The following EXTL3 variants were observed in gnomAD, a reference collection of about 807,000 sequenced individuals.
The protein encoded by EXTL3 is exostosin like glycosyltransferase 3, also known as exostosin-like 3.
Under a neutral mutation model 69.3 loss-of-function variants are expected in EXTL3, and 27 were observed. The ratio of observed to expected loss-of-function variants is 0.39; its 90% confidence interval spans 0.29 to 0.54. The LOEUF (loss-of-function observed/expected upper bound fraction) is 0.54, where lower values mean the gene tolerates loss of function less well. EXTL3 is among the 20% of genes least tolerant of loss of function. The pLI is 0.69. For missense variants in EXTL3, 1,003 were observed against 1,231.8 expected, an observed-to-expected ratio of 0.81 and a Z score of 2.78; for synonymous variants, 511 against 499.4, an observed-to-expected ratio of 1.02 and a Z score of -0.31.
At chr8:28,654,778 T>A (rs1806979665) in intron 1 of EXTL3, among the ~76,000 whole-genome samples, 1 of 152,140 alleles carries the variant, frequency 6.6e-6, no homozygotes, top group African/African-American at 2.4e-5. Flanking sequence ...ATACCCCAAT[T>A]TTGTTGTAAT....
intron 1 of EXTL3, among the ~76,000 whole-genome samples, chr8:28,685,098 C>T (rs566519651): frequency 2.4e-4 from 37 of 151,934 alleles, no homozygotes; most frequent in African/African-American, 8.0e-4. Context: ...ATTACAGGCA[C>T]GTGCCACCAC....
At chr8:28,725,696 CT>C (rs1466718625) in intron 3 of EXTL3, among the ~76,000 whole-genome samples, 1 of 152,116 alleles carries the variant, frequency 6.6e-6, no homozygotes, top group Non-Finnish European at 1.5e-5. Context: ...GAAAGTGAGT[CT>C]TCCTGTTTGC....
In EXTL3 at chr8:28,688,674, G is replaced by A. The variant is rs572528405; in HGVS notation, c.-52-24783G>A. 3.5e-4 allele frequency among the ~76,000 whole-genome samples: 53 copies of A among 152,276 alleles called. No individual in the cohort carries two copies. The South Asian group carries it at 0.011, about 32-fold the overall frequency. On this transcript the variant is annotated intron_variant, in intron 1 of 6. Transcript: ENST00000523149. Reference sequence around the variant, plus strand: ...GTAAGATGATGGTAGCTTGAGCTGAGTTATTCTCTTATTTTCCCCAGGCCT... The same window carrying A: ...GTAAGATGATGGTAGCTTGAGCTGAATTATTCTCTTATTTTCCCCAGGCCT...
chr8:28,690,994 G>A (rs1443189911), intron 1 of EXTL3, among the ~76,000 whole-genome samples: 2 of 152,114 alleles, frequency 1.3e-5, no homozygotes, highest in Non-Finnish European at 2.9e-5. Flanking sequence ...GGTGAAGTTG[G>A]GGGGAAGTGT....
intron 1 of EXTL3, among the ~76,000 whole-genome samples, chr8:28,630,123 C>G (rs750898446): frequency 6.6e-6 from 1 of 152,092 alleles, no homozygotes; most frequent in African/African-American, 2.4e-5. Context: ...CTCCATGTGT[C>G]GTGGGAGGGA....
intron 1 of EXTL3, among the ~76,000 whole-genome samples, chr8:28,632,204 C>T (rs962491891): frequency 2.0e-5 from 3 of 151,868 alleles, no homozygotes; most frequent in African/African-American, 4.8e-5. Context: ...GTCAGGAGTT[C>T]AAGACCAGCC....
chr8:28,682,877 A>T (rs1030496907), intron 1 of EXTL3, among the ~76,000 whole-genome samples: 1 of 152,172 alleles, frequency 6.6e-6, no homozygotes, highest in East Asian at 1.9e-4. Context: ...TTCTTCTAGT[A>T]GTTTTACAGC....
intron 5 of EXTL3, chr8:28,742,777 T>C (rs2130792626): frequency 5.6e-6 from 2 of 354,934 alleles, no homozygotes; most frequent in Non-Finnish European, 1.1e-5. Context: ...TAGTGTTCAA[T>C]TGAACCAGCA....
downstream of EXTL3, among the ~76,000 whole-genome samples, chr8:28,756,438 T>C (rs59158717): frequency 1.3e-5 from 2 of 152,304 alleles, no homozygotes; most frequent in African/African-American, 2.4e-5. Context: ...GATTGGTGAT[T>C]AGTTACTTTT....
At chr8:28,645,257 A>G (rs906534776) in intron 1 of EXTL3, among the ~76,000 whole-genome samples, 2 of 152,194 alleles carry the variant, frequency 1.3e-5, no homozygotes, top group Non-Finnish European at 1.5e-5. Context: ...TCCAAATGCA[A>G]CCCTTTGACC....
At chr8:28,695,621 T>C (rs1800673859) in intron 1 of EXTL3, among the ~76,000 whole-genome samples, 2 of 152,222 alleles carry the variant, frequency 1.3e-5, no homozygotes, top group South Asian at 4.1e-4. Context: ...AAATTCTTTC[T>C]TGCAAATATG....
intron 6 of EXTL3, among the ~76,000 whole-genome samples, chr8:28,743,751 T>G (rs1801827251): frequency 1.3e-5 from 2 of 152,220 alleles, no homozygotes; most frequent in South Asian, 4.1e-4. Flanking sequence ...TCATCCTGTG[T>G]ATTGTAGTTT....
chr8:28,628,968 C>G (rs1806534042), intron 1 of EXTL3, among the ~76,000 whole-genome samples: 2 of 152,184 alleles, frequency 1.3e-5, no homozygotes, highest in African/African-American at 4.8e-5. Flanking sequence ...GGAAAGAATG[C>G]TGGCTGGATT....
intron 1 of EXTL3, among the ~76,000 whole-genome samples, chr8:28,673,331 T>C (rs902726672): frequency 6.6e-6 from 1 of 152,244 alleles, no homozygotes; most frequent in African/African-American, 2.4e-5. Flanking sequence ...TGCGGGTGTT[T>C]CTGGCTAAGA....
intron 2 of EXTL3, among the ~76,000 whole-genome samples, chr8:28,614,891 T>C (rs1321229474): frequency 6.6e-6 from 1 of 152,216 alleles, no homozygotes; most frequent in Non-Finnish European, 1.5e-5. Flanking sequence ...CATGGTGGTT[T>C]GCTGCAAAGA....
intron 1 of EXTL3, among the ~76,000 whole-genome samples, chr8:28,652,501 A>T (rs1169522823): frequency 6.6e-6 from 1 of 152,050 alleles, no homozygotes; most frequent in East Asian, 1.9e-4. Context: ...TACAAAAAAA[A>T]AAATTATCTG....
chr8:28,700,013 C>G (rs996446674), upstream of EXTL3: 1 of 150,646 alleles, frequency 6.6e-6, no homozygotes, highest in Admixed American at 6.6e-5. Context: ...GCTGTGGCCG[C>G]GTACCTTTGG....
intron 1 of EXTL3, among the ~76,000 whole-genome samples, chr8:28,702,928 C>G (rs1251569555): frequency 6.6e-6 from 1 of 152,190 alleles, no homozygotes; most frequent in Non-Finnish European, 1.5e-5. Flanking sequence ...TCGCTGTGAC[C>G]TGTGTGCTGG....
rs536694665 is a variant in EXTL3 at position 28,638,566 on chromosome 8, G to T, written c.-53+15756G>T. On this transcript the variant is annotated intron_variant, in intron 1 of 6. Transcript: ENST00000523149. ...AGCTGAGACCCAGTCCTTTTACCCA[G>T]TCCTTTTAGCAAACACAAGACAATC... 2.0e-5 allele frequency among the ~76,000 whole-genome samples: 3 copies of T among 152,260 alleles called. No individual in the cohort carries two copies. In the East Asian group the frequency reaches 5.8e-4, roughly 29 times the overall value.
Sources: allele counts gnomAD v4.1 joint callset (sites outside exome capture counted in the v4.1 genomes callset), GRCh38; gene constraint gnomAD v4.1.1; transcripts MANE v1.5; gene names NCBI Gene and HGNC (gene_info 2026-07-23, HGNC 2026-07-21).